Variants in ERBB4 observed in about 807,000 individuals in gnomAD.
The protein encoded by ERBB4 is receptor tyrosine-protein kinase erbB-4.
A neutral mutation model predicts 158.0 loss-of-function variants in ERBB4; 42 were observed. That is an observed-to-expected ratio of 0.27 (90% CI 0.21 to 0.34). The LOEUF is 0.34. ERBB4 is among the 10% of genes least tolerant of loss of function. ERBB4 has a pLI of 1.00. For missense variants in ERBB4, 1,333 were observed against 1,624.1 expected, an observed-to-expected ratio of 0.82 and a Z score of 3.08; for synonymous variants, 583 against 558.7, an observed-to-expected ratio of 1.04 and a Z score of -0.61.
intron 1 of ERBB4, among the ~76,000 whole-genome samples, chr2:212,268,385 T>C (rs1331448945): frequency 6.6e-6 from 1 of 151,896 alleles, no homozygotes; most frequent in African/African-American, 2.4e-5. Context: ...TGCAGCTCTT[T>C]GAAACATTAA....
intron 1 of ERBB4, among the ~76,000 whole-genome samples, chr2:212,248,037 G>A (rs2106037659): frequency 6.6e-6 from 1 of 152,176 alleles, no homozygotes; most frequent in Non-Finnish European, 1.5e-5. Flanking sequence ...TGTGGTTTGA[G>A]TTTAAGAAAT....
At chr2:211,840,341 G>T (rs1575227023) in intron 3 of ERBB4, among the ~76,000 whole-genome samples, 1 of 151,840 alleles carries the variant, frequency 6.6e-6, no homozygotes, top group South Asian at 2.1e-4. Flanking sequence ...GTGGAACTGT[G>T]AATCAATTAA....
intron 1 of ERBB4, among the ~76,000 whole-genome samples, chr2:212,533,233 C>G (rs1259604528): frequency 1.3e-5 from 2 of 152,128 alleles, no homozygotes; most frequent in Admixed American, 6.5e-5. Flanking sequence ...CATTATGTTT[C>G]TTAATATAGG....
At chr2:211,997,216 C>T (rs1192885739) in intron 2 of ERBB4, among the ~76,000 whole-genome samples, 4 of 152,056 alleles carry the variant, frequency 2.6e-5, no homozygotes, top group African/African-American at 9.7e-5. Context: ...TCTATAATTC[C>T]TTCCTTTTCA....
chr2:212,080,022 C>T (rs1275927606), intron 2 of ERBB4, among the ~76,000 whole-genome samples: 1 of 151,670 alleles, frequency 6.6e-6, no homozygotes, highest in Non-Finnish European at 1.5e-5. Flanking sequence ...GAGCTCCTCA[C>T]ATAAAAAAAA....
At chr2:211,466,703 A>C (rs956538081) in intron 20 of ERBB4, among the ~76,000 whole-genome samples, 1 of 152,176 alleles carries the variant, frequency 6.6e-6, no homozygotes, top group Non-Finnish European at 1.5e-5. Flanking sequence ...GAAAAGTGCT[A>C]TGGTTTACAG....
intron 12 of ERBB4, among the ~76,000 whole-genome samples, chr2:211,691,598 G>A (rs565623492): frequency 1.4e-5 from 2 of 143,928 alleles, no homozygotes; most frequent in South Asian, 4.3e-4. Context: ...GTGTGTGTGT[G>A]TGTGTATATA....
intron 14 of ERBB4, among the ~76,000 whole-genome samples, chr2:211,666,213 T>A (rs1202874885): frequency 1.3e-5 from 2 of 152,028 alleles, no homozygotes; most frequent in South Asian, 4.1e-4. Flanking sequence ...TTTTAGTAAA[T>A]CACAGAACAA....
At chr2:211,719,641 G>T (rs760624855) in intron 7 of ERBB4, among the ~76,000 whole-genome samples, 2 of 152,002 alleles carry the variant, frequency 1.3e-5, no homozygotes, top group African/African-American at 4.8e-5. Flanking sequence ...TAATCACAAG[G>T]TCAGGAGATC....
At chr2:212,313,230 T>G (rs2087125174) in intron 1 of ERBB4, among the ~76,000 whole-genome samples, 1 of 150,788 alleles carries the variant, frequency 6.6e-6, no homozygotes, top group Non-Finnish European at 1.5e-5. Flanking sequence ...AATTAGAAAT[T>G]GAAAAGAGCC....
chr2:212,478,688 C>G (rs1288262507), intron 1 of ERBB4, among the ~76,000 whole-genome samples: 2 of 151,926 alleles, frequency 1.3e-5, no homozygotes, highest in African/African-American at 4.8e-5. Context: ...TCTGGATGCC[C>G]TATCTTTGAA....
In ERBB4 at chr2:211,702,168, TA is replaced by T. The variant is rs1252385039; in HGVS notation, c.1290-3del. 1.2e-5 allele frequency: 19 copies of T among 1,612,946 alleles called. No individual in the cohort carries two copies. The highest frequency in any genetic ancestry group is 1.4e-5 in the Non-Finnish European group (17 of 1,179,122). ...TTGAGGATAAGCAAGGACAGGCCACTAAGGAGGGGGAAGTGAGAAAACGGAA... is the reference window on the plus strand; with the variant it reads ...TTGAGGATAAGCAAGGACAGGCCACTAGGAGGGGGAAGTGAGAAAACGGAA... On this transcript the variant is annotated splice_region_variant and splice_polypyrimidine_tract_variant and intron_variant, in intron 11 of 27. Coordinates refer to ENST00000342788, the MANE Select transcript of ERBB4 (RefSeq NM_005235.3).
intron 1 of ERBB4, among the ~76,000 whole-genome samples, chr2:212,202,086 G>A (rs910200200): frequency 1.3e-5 from 2 of 152,078 alleles, no homozygotes; most frequent in East Asian, 3.9e-4. Flanking sequence ...TACAAAGCTA[G>A]GTTTGTAGTA....
At chr2:211,547,178 TGAA>T (rs1358405067) in intron 20 of ERBB4, among the ~76,000 whole-genome samples, 3 of 152,076 alleles carry the variant, frequency 2.0e-5, no homozygotes, top group Non-Finnish European at 4.4e-5. Context: ...GGAAAATGGA[TGAA>T]GGACAAATGA....
At chr2:211,782,916 A>G (rs1445295418) in intron 4 of ERBB4, among the ~76,000 whole-genome samples, 1 of 152,150 alleles carries the variant, frequency 6.6e-6, no homozygotes, top group African/African-American at 2.4e-5. Flanking sequence ...GAAGAAAGTC[A>G]TTGGTAGCTT....
chr2:211,606,571 ATGT>A (rs2068984666), intron 19 of ERBB4, among the ~76,000 whole-genome samples: 1 of 152,126 alleles, frequency 6.6e-6, no homozygotes, highest in South Asian at 2.1e-4. Flanking sequence ...TACACTAAAA[ATGT>A]TGTTATGGTC....
intron 2 of ERBB4, among the ~76,000 whole-genome samples, chr2:211,956,047 T>C (rs2081019633): frequency 6.6e-6 from 1 of 151,794 alleles, no homozygotes. Context: ...TGTGTGTGTG[T>C]GTGTGTGTGT....
chr2:211,606,541 G>A (rs577957567), intron 19 of ERBB4, among the ~76,000 whole-genome samples: 1 of 151,688 alleles, frequency 6.6e-6, no homozygotes, highest in East Asian at 1.9e-4. Context: ...TATTATTTAT[G>A]GATCTCAAAA....
chr2:211,387,161 G>T lies in ERBB4; in HGVS notation c.3184-11C>A, dbSNP rs750968646. 6.2e-7 allele frequency: 1 copy of T among 1,600,960 alleles called. No individual in the cohort carries two copies. The highest frequency in any genetic ancestry group is 8.6e-7 in the Non-Finnish European group (1 of 1,167,912). On this transcript the variant is annotated splice_polypyrimidine_tract_variant and intron_variant, in intron 26 of 27. Transcript: ENST00000342788. ...GTATACAAACTGGTTCTGTTAATAAGAGAAACATATGTGGAGAGAAGGCGT... is the reference window on the plus strand; with the variant it reads ...GTATACAAACTGGTTCTGTTAATAATAGAAACATATGTGGAGAGAAGGCGT...
Sources: allele counts gnomAD v4.1 joint callset (sites outside exome capture counted in the v4.1 genomes callset), GRCh38; gene constraint gnomAD v4.1.1; transcripts MANE v1.5; gene names NCBI Gene and HGNC (gene_info 2026-07-23, HGNC 2026-07-21).